The following PALM2AKAP2 variants were observed in gnomAD, a reference collection of about 807,000 sequenced individuals.
The protein encoded by PALM2AKAP2 is PALM2 and AKAP2 fusion.
PALM2AKAP2 carries 37 observed loss-of-function variants against 71.5 expected under a neutral mutation model. That is an observed-to-expected ratio of 0.52 (90% confidence interval 0.40 to 0.68). The LOEUF (loss-of-function observed/expected upper bound fraction) is 0.68, where lower values mean the gene tolerates loss of function less well. PALM2AKAP2 is among the 30% of genes least tolerant of loss of function. The probability of loss-of-function intolerance (pLI) is 0.00; values close to 1 mark genes in which losing one functional copy is unlikely to be tolerated. For synonymous variants in PALM2AKAP2, 468 were observed against 478.8 expected (o/e 0.98, Z 0.29); for missense variants, 1,224 against 1,191.8 (o/e 1.03, Z -0.40).
At chr9:109,995,927 A>T (rs1832568279) in intron 6 of PALM2AKAP2, among the ~76,000 whole-genome samples, 1 of 152,190 alleles carries the variant, frequency 6.6e-6, no homozygotes, top group South Asian at 2.1e-4. Flanking sequence ...GGCAGGAAAG[A>T]TACTGCAGGT....
At chr9:109,720,470 GAATT>G (rs1271616237) in intron 1 of PALM2AKAP2, among the ~76,000 whole-genome samples, 2 of 152,178 alleles carry the variant, frequency 1.3e-5, no homozygotes, top group African/African-American at 4.8e-5. Context: ...AGTCATGAGG[GAATT>G]GTGGGCTGCA....
intron 1 of PALM2AKAP2, among the ~76,000 whole-genome samples, chr9:109,803,346 T>A (rs1827485289): frequency 6.6e-6 from 1 of 152,192 alleles, no homozygotes; most frequent in Admixed American, 6.5e-5. Flanking sequence ...TCTGGTAGGT[T>A]CTGCCTGACC....
intron 6 of PALM2AKAP2, among the ~76,000 whole-genome samples, chr9:110,010,832 A>T (rs1832867697): frequency 6.8e-6 from 1 of 148,068 alleles, no homozygotes; most frequent in African/African-American, 2.5e-5. Context: ...TCCTGTCTCT[A>T]CTAAAAATAC....
chr9:110,035,824 A>G (rs188334263), intron 7 of PALM2AKAP2, among the ~76,000 whole-genome samples: 3 of 145,554 alleles, frequency 2.1e-5, no homozygotes, highest in African/African-American at 5.0e-5. Flanking sequence ...TATATATGAT[A>G]TGTTGTGTGT....
At chr9:109,808,725 G>A (rs758536381) in intron 1 of PALM2AKAP2, among the ~76,000 whole-genome samples, 18 of 152,212 alleles carry the variant, frequency 1.2e-4, no homozygotes, top group South Asian at 6.2e-4. Context: ...ATATCTCCAC[G>A]GCATGTCAGA....
chr9:109,856,864 G>A (rs1829181705), intron 1 of PALM2AKAP2, among the ~76,000 whole-genome samples: 1 of 152,176 alleles, frequency 6.6e-6, no homozygotes, highest in Non-Finnish European at 1.5e-5. Flanking sequence ...CTTGGAGTTT[G>A]CGTTCCTTTG....
intron 1 of PALM2AKAP2, among the ~76,000 whole-genome samples, chr9:109,685,198 AAT>A (rs1827791140): frequency 2.0e-5 from 3 of 152,188 alleles, no homozygotes; most frequent in Admixed American, 2.0e-4. Context: ...TGGTGATAGA[AAT>A]GTTCTGTATC....
At chr9:110,065,331 C>T (rs941016990) in intron 1 of PALM2AKAP2, among the ~76,000 whole-genome samples, 2 of 152,130 alleles carry the variant, frequency 1.3e-5, no homozygotes, top group African/African-American at 2.4e-5. Context: ...TGGGCCCAAG[C>T]GATACTCCCA....
chr9:109,757,570 G>A (rs1055659519), intron 1 of PALM2AKAP2, among the ~76,000 whole-genome samples: 4 of 152,084 alleles, frequency 2.6e-5, no homozygotes, highest in African/African-American at 9.7e-5. Flanking sequence ...CTATCACATA[G>A]CAAGTTATAT....
chr9:109,769,996 A>G (rs567490867), intron 1 of PALM2AKAP2, among the ~76,000 whole-genome samples: 1 of 152,292 alleles, frequency 6.6e-6, no homozygotes, highest in East Asian at 1.9e-4. Context: ...GGAGAAAGAC[A>G]GTGGCAGTAA....
intron 1 of PALM2AKAP2, among the ~76,000 whole-genome samples, chr9:109,843,140 CAAAAA>C (rs60510582): frequency 4.8e-5 from 3 of 62,846 alleles, no homozygotes; most frequent in African/African-American, 2.2e-4. Flanking sequence ...AACTCGGTCT[CAAAAA>C]AAAAAAAAAA....
chr9:109,906,844 C>T (rs544532346), intron 3 of PALM2AKAP2, among the ~76,000 whole-genome samples: 1 of 152,292 alleles, frequency 6.6e-6, no homozygotes, highest in South Asian at 2.1e-4. Context: ...ACTCAAATGG[C>T]TTTCTGTTAC....
intron 6 of PALM2AKAP2, among the ~76,000 whole-genome samples, chr9:110,005,143 C>G (rs978353631): frequency 6.6e-6 from 1 of 152,132 alleles, no homozygotes; most frequent in East Asian, 1.9e-4. Context: ...TGTTTTTTCC[C>G]CATCTTTGTG....
chr9:109,754,861 T>G (rs1404830761), intron 1 of PALM2AKAP2, among the ~76,000 whole-genome samples: 1 of 152,130 alleles, frequency 6.6e-6, no homozygotes, highest in Non-Finnish European at 1.5e-5. Flanking sequence ...GGTTTCCACA[T>G]ACGAATGTTG....
At chr9:109,650,064 T>C (rs1188315761) in intron 1 of PALM2AKAP2, among the ~76,000 whole-genome samples, 2 of 152,224 alleles carry the variant, frequency 1.3e-5, no homozygotes, top group Non-Finnish European at 2.9e-5. Flanking sequence ...GATTCCTCCA[T>C]GTTAAGGTTT....
intron 7 of PALM2AKAP2, among the ~76,000 whole-genome samples, chr9:110,027,217 G>C (rs1192885305): frequency 6.6e-6 from 1 of 152,116 alleles, no homozygotes; most frequent in African/African-American, 2.4e-5. Flanking sequence ...TATCCAGCTG[G>C]TGCCTTGCTG....
At chr9:109,869,318 T>C (rs1224687562) in intron 2 of PALM2AKAP2, among the ~76,000 whole-genome samples, 1 of 152,092 alleles carries the variant, frequency 6.6e-6, no homozygotes, top group Non-Finnish European at 1.5e-5. Flanking sequence ...ATATTACATC[T>C]ATTCATTTTT....
chr9:109,924,318 G>C (rs1473356103), intron 4 of PALM2AKAP2, among the ~76,000 whole-genome samples: 2 of 152,192 alleles, frequency 1.3e-5, no homozygotes, highest in Non-Finnish European at 2.9e-5. Context: ...ACATTTTACT[G>C]TATATAGAAA....
At chr9:109,732,581 C>A (rs1265124773) in intron 1 of PALM2AKAP2, among the ~76,000 whole-genome samples, 3 of 152,172 alleles carry the variant, frequency 2.0e-5, no homozygotes, top group Non-Finnish European at 4.4e-5. Flanking sequence ...ATTCATTCAA[C>A]ACATGGATAT....
Sources: allele counts gnomAD v4.1 joint callset (sites outside exome capture counted in the v4.1 genomes callset), GRCh38; gene constraint gnomAD v4.1.1; transcripts MANE v1.5; gene names NCBI Gene and HGNC (gene_info 2026-07-23, HGNC 2026-07-21).